KIRREL3: variants seen among roughly 807,000 people sequenced by gnomAD.
The protein encoded by KIRREL3 is kin of IRRE-like protein 3.
Under a neutral mutation model 89.7 loss-of-function variants are expected in KIRREL3, and 36 were observed. The observed-to-expected ratio is 0.40, with a 90% confidence interval of 0.31 to 0.53. The LOEUF is 0.53. KIRREL3 is among the 20% of genes least tolerant of loss of function. KIRREL3 has a pLI of 0.49. For synonymous variants in KIRREL3, 445 were observed against 441.4 expected (o/e 1.01, Z -0.10); for missense variants, 864 against 1,056.6 (o/e 0.82, Z 2.53).
In KIRREL3 at chr11:126,923,269, C is replaced by CTTCTT. The variant is rs1565424302; in HGVS notation, c.55+77185_55+77186insAAGAA. 4.3e-4 allele frequency among the ~76,000 whole-genome samples: 10 copies of CTTCTT among 23,132 alleles called. 2 individuals carry two copies. The highest frequency in any genetic ancestry group is 1.9e-3 in the South Asian group (1 of 540). The allele number at this position is 23,132 out of a possible 152,430, so 15.2% of individuals were successfully genotyped here. On this transcript the variant is annotated intron_variant, in intron 1 of 16. Transcript: ENST00000525144. ...TTCTTCTTCTTCTTCTTCTTCTTCT[C>CTTCTT]CTTCTCCTTCTCCTTCTCCTTCTCC...
Position 126,647,569 on chromosome 11 carries a change from C to T in KIRREL3, c.56-84657G>A, listed in dbSNP as rs1037929244. Among the ~76,000 whole-genome samples, 5 of 152,192 alleles carry T rather than the reference C, an allele frequency of 3.3e-5. No individual in the cohort carries two copies. Among genetic ancestry groups the T allele is most frequent in the Non-Finnish European group, 7.4e-5 (5 of 68,016 alleles). ...CTGCTGGGAGCCCAAAAGTTTACAG[C>T]GAAGATCAAATCTGTCAGCAAATCC... On this transcript the variant is annotated intron_variant, in intron 1 of 16. Transcript: ENST00000525144. This position sits in a 1 kb window ranked among gnomAD's most constrained non-coding sequence, Gnocchi z 4.9.
intron 1 of KIRREL3, among the ~76,000 whole-genome samples, chr11:126,667,221 AAAG>A (rs1945705214): frequency 2.6e-5 from 4 of 152,232 alleles, no homozygotes; most frequent in Non-Finnish European, 5.9e-5. Flanking sequence ...AATCGCAGCA[AAAG>A]TCCATTTCCA....
At chr11:126,826,294 C>T (rs555967501) in intron 1 of KIRREL3, among the ~76,000 whole-genome samples, 10 of 152,256 alleles carry the variant, frequency 6.6e-5, no homozygotes, top group South Asian at 4.2e-4. Flanking sequence ...TTTAGATGCT[C>T]GGTAACTGCT....
At chr11:126,972,723 G>T (rs565652278) in intron 1 of KIRREL3, among the ~76,000 whole-genome samples, 2 of 152,090 alleles carry the variant, frequency 1.3e-5, no homozygotes, top group African/African-American at 4.8e-5. Context: ...GCCTGACACC[G>T]TGTCCGTATT....
intron 1 of KIRREL3, among the ~76,000 whole-genome samples, chr11:126,957,916 T>A (rs890440654): frequency 2.0e-5 from 3 of 152,232 alleles, no homozygotes; most frequent in African/African-American, 7.2e-5. Context: ...GTGCCATCTA[T>A]CTCAAGGGCT....
intron 1 of KIRREL3, among the ~76,000 whole-genome samples, chr11:126,597,179 G>A (rs1260929614): frequency 6.6e-6 from 1 of 152,158 alleles, no homozygotes. Flanking sequence ...AGAGCCCTTG[G>A]CTCTCTGTGG....
chr11:126,898,461 T>C lies in KIRREL3; in HGVS notation c.55+101994A>G, dbSNP rs1381764039. 6.6e-6 allele frequency among the ~76,000 whole-genome samples: 1 copy of C among 152,172 alleles called. No individual in the cohort carries two copies. The highest frequency in any genetic ancestry group is 1.9e-4 in the East Asian group (1 of 5,188). On this transcript the variant is annotated intron_variant, in intron 1 of 16. Transcript: ENST00000525144. This position sits in a 1 kb window ranked among gnomAD's most constrained non-coding sequence, Gnocchi z 4.9. ...ACACAGTGGGAAATTAGAAGAAACC[T>C]GGAGATGCAACAAAACAGAATGGAT...
intron 1 of KIRREL3, among the ~76,000 whole-genome samples, chr11:126,831,020 T>C (rs1488462315): frequency 6.6e-6 from 1 of 152,202 alleles, no homozygotes; most frequent in Non-Finnish European, 1.5e-5. Context: ...GCATGGACTG[T>C]GGATCATAGG....
Position 126,976,141 on chromosome 11 carries a change from C to T in KIRREL3, c.55+24314G>A, listed in dbSNP as rs1949570400. ...ATGCTGAGAAGCACATTATTTGTCA[C>T]CATGCCACATTGTTAGCTCATATTG... is the stretch of plus-strand genomic sequence containing the variant. On this transcript the variant is annotated intron_variant, in intron 1 of 16. Coordinates refer to ENST00000525144, the MANE Select transcript of KIRREL3 (RefSeq NM_032531.4). This position sits in a 1 kb window ranked among gnomAD's most constrained non-coding sequence, Gnocchi z 4.2. Among the ~76,000 whole-genome samples the T allele has an allele frequency of 6.6e-6, 1 of 151,954 alleles. No homozygotes were observed. Among genetic ancestry groups the T allele is most frequent in the African/African-American group, 2.4e-5 (1 of 41,346 alleles).
rs1555172298 is a variant in KIRREL3, at chr11:126,668,699, TTC to T, written c.56-105789_56-105788del. Among the ~76,000 whole-genome samples, 10 of 59,340 alleles carry T rather than the reference TTC, an allele frequency of 1.7e-4. No individual in the cohort carries two copies. The highest frequency in any genetic ancestry group is 4.5e-4 in the African/African-American group (9 of 20,222). The allele number at this position is 59,340 out of a possible 152,430, so 38.9% of individuals were successfully genotyped here. ...GCTGTTGGGAAGTTTCTGTTTTTCTTTCTTTCTTTCTTTCTTTCTTTCTTTCT... is the reference window on the plus strand; with the variant it reads ...GCTGTTGGGAAGTTTCTGTTTTTCTTTTTCTTTCTTTCTTTCTTTCTTTCT... On this transcript the variant is annotated intron_variant, in intron 1 of 16. Coordinates refer to ENST00000525144, the MANE Select transcript of KIRREL3 (RefSeq NM_032531.4). The surrounding 1 kb of genome is among the most constrained non-coding windows in gnomAD (Gnocchi z 4.4).
chr11:126,727,900 C>G (rs1592031968), intron 1 of KIRREL3, among the ~76,000 whole-genome samples: 1 of 151,794 alleles, frequency 6.6e-6, no homozygotes, highest in Non-Finnish European at 1.5e-5. Context: ...GATCAGAAGC[C>G]CTGGGTCCCC....
intron 1 of KIRREL3, among the ~76,000 whole-genome samples, chr11:126,599,790 G>T (rs1429691915): frequency 6.6e-6 from 1 of 152,210 alleles, no homozygotes; most frequent in African/African-American, 2.4e-5. Flanking sequence ...TGGAGAAAGA[G>T]CCAGAAGACC....
intron 1 of KIRREL3, among the ~76,000 whole-genome samples, chr11:126,855,012 C>T (rs1944463763): frequency 6.6e-6 from 1 of 152,182 alleles, no homozygotes; most frequent in Non-Finnish European, 1.5e-5. Context: ...AGCTGTTCAG[C>T]CCCAGCCCGA....
intron 1 of KIRREL3, among the ~76,000 whole-genome samples, chr11:126,638,041 G>A (rs375194666): frequency 9.2e-5 from 14 of 152,324 alleles, no homozygotes; most frequent in South Asian, 4.1e-4. Context: ...ATTGGTATGC[G>A]TGTGGAACTA....
At position 126,642,776 on chromosome 11, in the gene KIRREL3, G is replaced by A. The variant is rs536478084; in HGVS notation, c.56-79864C>T. On this transcript the variant is annotated intron_variant, in intron 1 of 16. Coordinates refer to ENST00000525144, the MANE Select transcript of KIRREL3 (RefSeq NM_032531.4). The surrounding 1 kb of genome is among the most constrained non-coding windows in gnomAD (Gnocchi z 4.9). The stretch of plus-strand genomic sequence containing the variant: ...GAGGCAGGGGGATGGATGAAAGAAT[G>A]TCTTTATGTCCCTTCAAGGGTTATG... 1.3e-5 allele frequency among the ~76,000 whole-genome samples: 2 copies of A among 152,322 alleles called. No individual in the cohort carries two copies. The highest frequency in any genetic ancestry group is 1.9e-4 in the East Asian group (1 of 5,190).
In KIRREL3 at chr11:126,708,585, G is replaced by T. The variant is rs541288233; in HGVS notation, c.56-145673C>A. ...GCTGTTCCGACGTGGGCTCCGGGGT[G>T]GGGAAGGAAGGAGGGCGTTCGGCTC... On this transcript the variant is annotated intron_variant, in intron 1 of 16. Coordinates refer to ENST00000525144, the MANE Select transcript of KIRREL3 (RefSeq NM_032531.4). This position sits in a 1 kb window ranked among gnomAD's most constrained non-coding sequence, Gnocchi z 5.7. Among the ~76,000 whole-genome samples the T allele has an allele frequency of 6.6e-6, 1 of 152,142 alleles. No homozygotes were observed. The highest frequency in any genetic ancestry group is 2.4e-5 in the African/African-American group (1 of 41,432).
At chr11:126,458,869 C>T (rs1486459567) in intron 6 of KIRREL3, among the ~76,000 whole-genome samples, 4 of 152,208 alleles carry the variant, frequency 2.6e-5, no homozygotes, top group Non-Finnish European at 4.4e-5. Flanking sequence ...CCCAGAACCC[C>T]GTGACCTCTC....
intron 1 of KIRREL3, among the ~76,000 whole-genome samples, chr11:126,815,813 G>A (rs1267478507): frequency 6.6e-6 from 1 of 152,180 alleles, no homozygotes; most frequent in Non-Finnish European, 1.5e-5. Context: ...GGGATTACAG[G>A]CATGAGCTGC....
rs563414862 is a variant in KIRREL3 at position 126,758,856 on chromosome 11, A to G, written c.56-195944T>C. ...CTTTGACCGATATGAAGTGTGGCAT[A>G]CTGTTATTTTTTTAACCCTTACAAA... On this transcript the variant is annotated intron_variant, in intron 1 of 16. Coordinates refer to ENST00000525144, the MANE Select transcript of KIRREL3 (RefSeq NM_032531.4). Among the ~76,000 whole-genome samples, 30 of 152,324 alleles carry G rather than the reference A, an allele frequency of 2.0e-4. No individual in the cohort carries two copies. In the South Asian group the frequency reaches 6.2e-3, roughly 32 times the overall value.
Sources: gnomAD v4.1 joint callset for allele counts (sites outside exome capture counted in the v4.1 genomes callset) on GRCh38, gnomAD v4.1.1 for gene constraint, Gnocchi (gnomAD v3.1) non-coding constraint, MANE v1.5 for transcripts, NCBI Gene and HGNC (gene_info 2026-07-23, HGNC 2026-07-21) for gene names.